Variants in CNKSR1 observed in about 807,000 individuals in gnomAD.
CNKSR1 encodes CNK homolog protein 1.
In CNKSR1, 88 loss-of-function variants were observed where a neutral mutation model predicts 95.6. The observed-to-expected ratio is 0.92, with a 90% CI of 0.78 to 1.10. The LOEUF (loss-of-function observed/expected upper bound fraction) is 1.10, where lower values mean the gene tolerates loss of function less well. Ranked by LOEUF, CNKSR1 falls within the 50% of genes least tolerant of loss-of-function variation. The pLI is 0.00. For synonymous variants in CNKSR1, 355 were observed against 369.7 expected, an observed-to-expected ratio of 0.96 and a Z score of 0.46; for missense variants, 836 against 912.0, an observed-to-expected ratio of 0.92 and a Z score of 1.07.
rs1367567926 is a variant in CNKSR1, at chr1:26,177,601, T to G, written c.52+2T>G. The G allele has an allele frequency of 1.2e-6, 2 of 1,611,586 alleles. No individual in the cohort carries two copies. Among genetic ancestry groups the G allele is most frequent in the South Asian group, 1.1e-5 (1 of 90,908 alleles). The stretch of plus-strand genomic sequence containing the variant: ...GAAAGGTGGCAACTTGGCTGAGAGG[T>G]GGGTGGGGCTGGGGTAGAGTTGGGC... On this transcript the variant is annotated splice_donor_variant, in intron 1 of 20. Transcript: ENST00000361530. LOFTEE classifies it high-confidence loss of function.
At position 26,185,164 on chromosome 1, in the gene CNKSR1, T is replaced by C; in HGVS notation, c.1286T>C (p.Leu429Pro). Residue 429 changes from leucine to proline, a missense_variant, in exon 14 of 21, where the codon CTC becomes CCC. Physicochemically the swap from Leu to Pro is moderately conservative, Grantham distance 98. Coordinates refer to ENST00000361530, the MANE Select transcript of CNKSR1 (RefSeq NM_006314.3). Reference protein sequence around the residue: ...RRWFVLKGHTLYWYRQPQDEK... With the variant: ...RRWFVLKGHTPYWYRQPQDEK... Reference sequence around the variant, plus strand: ...TGGTTTGTGCTCAAGGGACACACGCTCTACTGGTACCGCCAGCCCCAGGTA... The same window carrying C: ...TGGTTTGTGCTCAAGGGACACACGCCCTACTGGTACCGCCAGCCCCAGGTA... 6.4e-7 allele frequency: 1 copy of C among 1,561,318 alleles called. No individual in the cohort carries two copies. Among genetic ancestry groups the C allele is most frequent in the Non-Finnish European group, 8.7e-7 (1 of 1,152,882 alleles).
At chr1:26,187,073 C>T (rs1010150129) in intron 14 of CNKSR1, 95 bp from the exon 15 acceptor site, 55 of 918,904 alleles carry the variant, frequency 6.0e-5, no homozygotes, top group Non-Finnish European at 6.8e-5. Context: ...CTTCTCCTCT[C>T]CACAACTCTC....
intron 1 of CNKSR1, among the ~76,000 whole-genome samples, chr1:26,179,964 C>T (rs1279506847): frequency 1.3e-5 from 2 of 152,000 alleles, no homozygotes; most frequent in African/African-American, 4.8e-5. Context: ...GGTGAAATCC[C>T]ACCTCTGCAA....
chr1:26,189,262 CCCT>C lies in CNKSR1; in HGVS notation c.1873-12_1873-10del. The C allele has an allele frequency of 6.2e-7, 1 of 1,613,932 alleles. No homozygotes were observed. The highest frequency in any genetic ancestry group is 2.2e-5 in the East Asian group (1 of 44,884). On this transcript the variant is annotated splice_polypyrimidine_tract_variant and intron_variant, in intron 20 of 20. Coordinates refer to ENST00000361530, the MANE Select transcript of CNKSR1 (RefSeq NM_006314.3). ...CCCTGGGTGATCATGGTCCCTTAGC[CCCT>C]CCTCTCCACACAGGCAAAGCTGCAG...
Position 26,189,743 on chromosome 1 carries a change from C to T in CNKSR1, c.*195C>T. On this transcript the variant is annotated 3_prime_UTR_variant, in exon 21 of 21. Transcript: ENST00000361530. Reference sequence around the variant, plus strand: ...CTCCCTTGCCAAAGAAGAAACTCTCCCCCCAAATCCTCCAACCTCTGGGGC... The same window carrying T: ...CTCCCTTGCCAAAGAAGAAACTCTCTCCCCAAATCCTCCAACCTCTGGGGC... 1.4e-6 allele frequency: 1 copy of T among 701,252 alleles called. No homozygotes were observed. 43.4% of individuals were successfully genotyped at this position (701,252 alleles called of 1,614,324 possible). A position where few individuals can be genotyped will look rare whatever the true frequency, so the allele number is the denominator to read the frequency against.
chr1:26,180,931 G>A (rs1271406031), intron 3 of CNKSR1, 35 bp downstream of exon 3: 1 of 1,613,268 alleles, frequency 6.2e-7, no homozygotes. Context: ...AGGGACTATT[G>A]TCATCCTTGG....
At chr1:26,182,457 C>T (rs774332715) in intron 5 of CNKSR1, 23 bp from the exon 6 acceptor site, 2 of 1,613,652 alleles carry the variant, frequency 1.2e-6, no homozygotes, top group South Asian at 2.2e-5. Flanking sequence ...GCTCAGGCTA[C>T]ATAGCCCGCT....
intron 4 of CNKSR1, 82 bp downstream of exon 4, chr1:26,182,023 C>T (rs1465429771): frequency 2.3e-6 from 3 of 1,293,306 alleles, no homozygotes; most frequent in Admixed American, 3.4e-5. Flanking sequence ...TGAATCAGCC[C>T]AGGATCGAGT....
At position 26,182,162 on chromosome 1, in the gene CNKSR1, G is replaced by T. The variant is rs998517276; in HGVS notation, c.478-199G>T. 12 of 702,498 alleles carry T rather than the reference G, an allele frequency of 1.7e-5. No individual in the cohort carries two copies. In the South Asian group the frequency reaches 1.9e-4, roughly 11 times the overall value. The allele number at this position is 702,498 out of a possible 1,614,324, so 43.5% of individuals were successfully genotyped here. A position where few individuals can be genotyped will look rare whatever the true frequency, so the allele number is the denominator to read the frequency against. The stretch of plus-strand genomic sequence containing the variant: ...AGGACAGGGAAGGAGGGGAGGGCAC[G>T]TGTGGTGACTTCTGGGGGCCTGGTA... On this transcript the variant is annotated intron_variant, in intron 4 of 20. Transcript: ENST00000361530.
chr1:26,180,404 AG>A (rs1156604337), intron 1 of CNKSR1, 48 bp from the exon 2 acceptor site: 3 of 1,609,410 alleles, frequency 1.9e-6, no homozygotes, highest in East Asian at 2.2e-5. Context: ...CCATCCCAAA[AG>A]GTCCTGACAC....
chr1:26,177,564 C>T lies in CNKSR1; in HGVS notation c.17C>T (p.Thr6Ile). The change falls in exon 1 of 21, where the codon ACC becomes ATC. Residue 6 changes from threonine to isoleucine, a missense_variant. Transcript: ENST00000361530. The part of the protein sequence containing the change: MEPVE[T>I]WTPGKVATWL... ...AGCTGGGCCATGGAACCGGTAGAGA[C>T]CTGGACCCCCGGAAAGGTGGCAACT... 1 of 1,614,086 alleles carries T rather than the reference C, an allele frequency of 6.2e-7. No homozygotes were observed. The highest frequency in any genetic ancestry group is 1.1e-5 in the South Asian group (1 of 91,060).
In CNKSR1 at chr1:26,180,785, A is replaced by C; in HGVS notation, c.281A>C (p.Gln94Pro). 6.2e-7 allele frequency: 1 copy of C among 1,614,214 alleles called. No homozygotes were observed. The highest frequency in any genetic ancestry group is 8.5e-7 in the Non-Finnish European group (1 of 1,180,030). Residue 94 changes from glutamine (Q) to proline (P), a missense_variant, in exon 3 of 21, where the codon CAG becomes CCG. By Grantham distance (76) the Gln-to-Pro change is moderately conservative. Coordinates refer to ENST00000361530, the MANE Select transcript of CNKSR1 (RefSeq NM_006314.3). ...EGLLGATHDF[Q>P]SIVQGCLGDC... ...CTTCTGGGGGCAACCCATGACTTCC[A>C]GAGCATAGTCCAAGGCTGCCTGGGG...
intron 1 of CNKSR1, among the ~76,000 whole-genome samples, chr1:26,178,174 A>C (rs1385248339): frequency 6.6e-6 from 1 of 152,214 alleles, no homozygotes; most frequent in Admixed American, 6.5e-5. Flanking sequence ...AGGCGGTGTC[A>C]TGAAAACAGG....
rs144203685 is a variant in CNKSR1 at position 26,183,283 on chromosome 1, G to A, written c.684+27G>A. ...TGAGAGCCCCACACCCTTCTCAGCCGCCCATCCCCGAGGCCTCTCACCTGC... is the reference window on the plus strand; with the variant it reads ...TGAGAGCCCCACACCCTTCTCAGCCACCCATCCCCGAGGCCTCTCACCTGC... On this transcript the variant is annotated intron_variant, in intron 7 of 20. Coordinates refer to ENST00000361530, the MANE Select transcript of CNKSR1 (RefSeq NM_006314.3). 9.7e-4 allele frequency: 1,569 copies of A among 1,614,070 alleles called. 20 individuals are homozygous for A. Among genetic ancestry groups the A allele is most frequent in the Middle Eastern group, 9.9e-4 (6 of 6,062 alleles).
chr1:26,179,555 G>T (rs968666116), intron 1 of CNKSR1, among the ~76,000 whole-genome samples: 1 of 152,178 alleles, frequency 6.6e-6, no homozygotes, highest in Non-Finnish European at 1.5e-5. Flanking sequence ...GGGCCTGTAG[G>T]TCATGGTAAA....
chr1:26,185,796 G>A (rs2088740476), intron 14 of CNKSR1, among the ~76,000 whole-genome samples: 1 of 152,124 alleles, frequency 6.6e-6, no homozygotes, highest in Non-Finnish European at 1.5e-5. Context: ...CCGCCAGAAT[G>A]CTGGGATTAT....
intron 14 of CNKSR1, among the ~76,000 whole-genome samples, chr1:26,186,091 A>G (rs1335661667): frequency 6.6e-6 from 1 of 152,186 alleles, no homozygotes; most frequent in African/African-American, 2.4e-5. Flanking sequence ...GGGAAAGCCC[A>G]AGGGATATGT....
intron 20 of CNKSR1, 101 bp downstream of exon 20, chr1:26,189,054 CAGACTCA>C: frequency 1.8e-6 from 1 of 543,510 alleles, no homozygotes; most frequent in Non-Finnish European, 3.2e-6. Context: ...CTCCAGACTC[CAGACTCA>C]GCTCCGGACC....
rs1037911997 is a variant in CNKSR1, at chr1:26,181,019, T to G, written c.392+123T>G. 59 of 1,247,906 alleles carry G rather than the reference T, an allele frequency of 4.7e-5. No homozygotes were observed. In the African/African-American group the frequency reaches 8.6e-4, roughly 18 times the overall value. 77.3% of individuals were successfully genotyped at this position (1,247,906 alleles called of 1,614,324 possible). A position where few individuals can be genotyped will look rare whatever the true frequency, so the allele number is the denominator to read the frequency against. On this transcript the variant is annotated intron_variant, in intron 3 of 20. Transcript: ENST00000361530. ...GGTGAGCCAGGCGTGGTGGCTTAGG[T>G]CTGTAATCCCAGCACTTTGGGAGGC...
Sources: allele counts gnomAD v4.1 joint callset (sites outside exome capture counted in the v4.1 genomes callset), GRCh38; gene constraint gnomAD v4.1.1; transcripts MANE v1.5; gene names NCBI Gene and HGNC (gene_info 2026-07-23, HGNC 2026-07-21).